DGKI: variants seen among roughly 807,000 people sequenced by gnomAD.
DGKI encodes the protein diacylglycerol kinase iota.
In DGKI, 55 loss-of-function variants were observed where a neutral mutation model predicts 147.5. The observed-to-expected ratio is 0.37, with a 90% CI of 0.30 to 0.47. DGKI has a LOEUF of 0.47. Ranked by LOEUF, DGKI falls within the 20% of genes least tolerant of loss-of-function variation. The pLI is 1.00. For synonymous variants in DGKI, 469 were observed against 477.1 expected (o/e 0.98, Z 0.22); for missense variants, 1,007 against 1,323.8 (o/e 0.76, Z 3.71).
At chr7:137,660,207 G>A (rs1822375021) in intron 3 of DGKI, among the ~76,000 whole-genome samples, 1 of 152,116 alleles carries the variant, frequency 6.6e-6, no homozygotes. Flanking sequence ...TTATTTGTAG[G>A]TGTGTGGTAC....
chr7:137,526,894 C>T (rs1817167012), intron 20 of DGKI, among the ~76,000 whole-genome samples: 1 of 152,106 alleles, frequency 6.6e-6, no homozygotes, highest in African/African-American at 2.4e-5. Context: ...TCCAATCTCC[C>T]ACCCAGGCCT....
chr7:137,435,969 G>A (rs544216514), intron 28 of DGKI, among the ~76,000 whole-genome samples: 37 of 152,236 alleles, frequency 2.4e-4, no homozygotes, highest in Non-Finnish European at 4.0e-4. Context: ...TAGCAGAGGC[G>A]AGGTTTCACG....
At chr7:137,700,280 C>T (rs760144961) in intron 1 of DGKI, among the ~76,000 whole-genome samples, 1 of 152,122 alleles carries the variant, frequency 6.6e-6, no homozygotes, top group Non-Finnish European at 1.5e-5. Flanking sequence ...AGCTGGGGAA[C>T]ACAGCATTAC....
chr7:137,640,815 A>G (rs1011224135), intron 6 of DGKI, among the ~76,000 whole-genome samples: 2 of 152,256 alleles, frequency 1.3e-5, no homozygotes, highest in African/African-American at 2.4e-5. Flanking sequence ...GTTTTTAACA[A>G]TATTTACTAA....
Position 137,617,977 on chromosome 7 carries a change from T to A in DGKI, c.993+1847A>T, listed in dbSNP as rs543397180. Among the ~76,000 whole-genome samples, 17 of 149,102 alleles carry A rather than the reference T, an allele frequency of 1.1e-4. 1 individual carries two copies. The East Asian group carries it at 3.0e-3, about 26-fold the overall frequency. On this transcript the variant is annotated intron_variant, in intron 8 of 32. Transcript: ENST00000614521. The stretch of plus-strand genomic sequence containing the variant: ...TTGAAAATTTCCATAACAAAAAGGG[T>A]TTCTTAAGGTTTAGAAGAGTAAACT...
intron 1 of DGKI, among the ~76,000 whole-genome samples, chr7:137,711,570 G>A (rs1223012541): frequency 2.0e-5 from 3 of 152,018 alleles, no homozygotes; most frequent in Non-Finnish European, 4.4e-5. Context: ...ATTCTTGACA[G>A]GGGGCATGGA....
rs747547922 is a variant in DGKI at position 137,656,490 on chromosome 7, G to T, written c.657C>A (p.Thr219=). The change falls in exon 4 of 33, where the codon ACC becomes ACA. Residue 219 remains threonine, a synonymous_variant. Coordinates refer to ENST00000614521, the MANE Select transcript of DGKI (RefSeq NM_001321708.2). ...CCTTTTCTAGCTGCTCAATGCAGGC[G>T]GTGTGGACGACGATTTTACAGACTG... ...KCAVCKIVVH[T]ACIEQLEKIN... is the part of the protein sequence containing the mutation. 1 of 1,614,082 alleles carries T rather than the reference G, an allele frequency of 6.2e-7. No homozygotes were observed. Among genetic ancestry groups the T allele is most frequent in the Non-Finnish European group, 8.5e-7 (1 of 1,179,998 alleles).
intron 20 of DGKI, among the ~76,000 whole-genome samples, chr7:137,548,765 C>T (rs1029285749): frequency 3.3e-5 from 5 of 152,142 alleles, no homozygotes; most frequent in Admixed American, 6.5e-5. Flanking sequence ...CCCAGGACTT[C>T]GAGACCAGCC....
intron 28 of DGKI, among the ~76,000 whole-genome samples, chr7:137,441,205 G>T (rs775920436): frequency 3.7e-4 from 56 of 152,110 alleles, no homozygotes; most frequent in Non-Finnish European, 6.3e-4. Context: ...CGAATCGAGA[G>T]GTCAGGAGAT....
At position 137,446,441 on chromosome 7, in the gene DGKI, C is replaced by T. The variant is rs182647200; in HGVS notation, c.2736-2339G>A. ...TGCAACAAGTTACTGCACTGCACTA[C>T]TGAGACATGCACATCATCCATTATT... On this transcript the variant is annotated intron_variant, in intron 27 of 32. Coordinates refer to ENST00000614521, the MANE Select transcript of DGKI (RefSeq NM_001321708.2). Among the ~76,000 whole-genome samples the T allele has an allele frequency of 5.3e-5, 8 of 152,308 alleles. No homozygotes were observed. In the East Asian group the frequency reaches 1.5e-3, roughly 29 times the overall value.
At chr7:137,557,436 A>C (rs1411470607) in intron 19 of DGKI, among the ~76,000 whole-genome samples, 1 of 152,216 alleles carries the variant, frequency 6.6e-6, no homozygotes, top group African/African-American at 2.4e-5. Flanking sequence ...TACATGAACT[A>C]CGGTGATGTG....
rs1798730280 is a variant in DGKI at position 137,846,388 on chromosome 7, C to T, written c.401+74G>A. 1.0e-6 allele frequency: 1 copy of T among 1,002,842 alleles called. No individual in the cohort carries two copies. Among genetic ancestry groups the T allele is most frequent in the East Asian group, 4.2e-5 (1 of 23,660 alleles). The allele number at this position is 1,002,842 out of a possible 1,614,324, so 62.1% of individuals were successfully genotyped here. ...AGAGAGGTGCCCAACTCCGCGGAAG[C>T]GCCCCTTGCTGGGTAGAAGAGTGGG... is the stretch of plus-strand genomic sequence containing the variant. On this transcript the variant is annotated intron_variant, in intron 1 of 32. Coordinates refer to ENST00000614521, the MANE Select transcript of DGKI (RefSeq NM_001321708.2). This position sits in a 1 kb window ranked among gnomAD's most constrained non-coding sequence, Gnocchi z 4.0.
intron 1 of DGKI, among the ~76,000 whole-genome samples, chr7:137,818,404 G>A (rs1797800069): frequency 6.6e-6 from 1 of 152,062 alleles, no homozygotes; most frequent in Non-Finnish European, 1.5e-5. Context: ...CACCATTTTG[G>A]CACATATTCC....
intron 23 of DGKI, among the ~76,000 whole-genome samples, chr7:137,477,341 C>A (rs1815206259): frequency 6.6e-6 from 1 of 152,156 alleles, no homozygotes; most frequent in Non-Finnish European, 1.5e-5. Context: ...AATCTTCACA[C>A]AAATATAGCC....
intron 27 of DGKI, among the ~76,000 whole-genome samples, chr7:137,461,631 C>T (rs1013080119): frequency 3.9e-5 from 6 of 152,168 alleles, no homozygotes; most frequent in Non-Finnish European, 8.8e-5. Flanking sequence ...GGAATTCAGA[C>T]TGAGCCTAGT....
intron 1 of DGKI, among the ~76,000 whole-genome samples, chr7:137,758,681 G>C (rs539854683): frequency 6.6e-6 from 1 of 151,554 alleles, no homozygotes; most frequent in Non-Finnish European, 1.5e-5. Context: ...GCAAGACTCC[G>C]TCTCAAAAAT....
intron 6 of DGKI, among the ~76,000 whole-genome samples, chr7:137,627,040 G>T (rs1020603239): frequency 1.1e-4 from 17 of 152,178 alleles, no homozygotes; most frequent in African/African-American, 4.1e-4. Flanking sequence ...TCCGCAGTGA[G>T]ACAGGTCTAC....
At chr7:137,465,646 C>G (rs1280205492) in intron 26 of DGKI, among the ~76,000 whole-genome samples, 1 of 152,160 alleles carries the variant, frequency 6.6e-6, no homozygotes, top group East Asian at 1.9e-4. Context: ...CAAGCACAAA[C>G]ACAAGTACTA....
At chr7:137,583,424 T>C (rs896696121) in intron 14 of DGKI, among the ~76,000 whole-genome samples, 7 of 152,188 alleles carry the variant, frequency 4.6e-5, no homozygotes, top group Non-Finnish European at 8.8e-5. Context: ...CTCTACCATT[T>C]ATGTTCTTTT....
Sources: gnomAD v4.1 joint callset for allele counts (sites outside exome capture counted in the v4.1 genomes callset) on GRCh38, gnomAD v4.1.1 for gene constraint, Gnocchi (gnomAD v3.1) non-coding constraint, MANE v1.5 for transcripts, NCBI Gene and HGNC (gene_info 2026-07-23, HGNC 2026-07-21) for gene names.